PIEZO2: variants seen among roughly 807,000 people sequenced by gnomAD.
PIEZO2 encodes piezo type mechanosensitive ion channel component 2.
PIEZO2 carries 172 observed loss-of-function variants against 337.3 expected under a neutral mutation model. The observed-to-expected ratio is 0.51, with a 90% CI of 0.45 to 0.58. PIEZO2 has a LOEUF of 0.58. Ranked by LOEUF, PIEZO2 falls within the 20% of genes least tolerant of loss-of-function variation. The pLI is 0.00. For synonymous variants in PIEZO2, 1,251 were observed against 1,228.5 expected (o/e 1.02, Z -0.38); for missense variants, 3,028 against 3,391.3 (o/e 0.89, Z 2.66).
At chr18:10,709,031 G>A (rs907196003) in intron 39 of PIEZO2, among the ~76,000 whole-genome samples, 2 of 152,056 alleles carry the variant, frequency 1.3e-5, no homozygotes, top group Admixed American at 6.5e-5. Context: ...GCATGTAGTC[G>A]GGATGCTGGT....
Position 11,126,490 on chromosome 18 carries a change from C to A in PIEZO2, c.64+22035G>T, listed in dbSNP as rs775329318. On this transcript the variant is annotated intron_variant, in intron 1 of 55. Coordinates refer to ENST00000674853, the MANE Select transcript of PIEZO2 (RefSeq NM_001378183.1). The surrounding 1 kb of genome is among the most constrained non-coding windows in gnomAD (Gnocchi z 4.6). The stretch of plus-strand genomic sequence containing the variant: ...CCTTTAGTGCCAGTTTCTTGGTCAT[C>A]TCCCGCCATCATTCAAAATACTCCA... Among the ~76,000 whole-genome samples the A allele has an allele frequency of 1.3e-5, 2 of 152,138 alleles. No homozygotes were observed. Among genetic ancestry groups the A allele is most frequent in the Non-Finnish European group, 2.9e-5 (2 of 68,040 alleles).
chr18:10,931,618 C>T (rs1207236946), intron 3 of PIEZO2, among the ~76,000 whole-genome samples: 1 of 152,132 alleles, frequency 6.6e-6, no homozygotes, highest in Non-Finnish European at 1.5e-5. Flanking sequence ...AAATTAACCA[C>T]TGTTAACAAG....
chr18:10,731,177 T>TAGATATATATATATATA (rs1555633703), intron 36 of PIEZO2, among the ~76,000 whole-genome samples: 1 of 35,232 alleles, frequency 2.8e-5, no homozygotes, highest in African/African-American at 1.3e-4. Context: ...ACTTAAAAGA[T>TAGATATATATATATATA]TATATATATA....
chr18:10,946,690 C>T (rs1190129202), intron 3 of PIEZO2, among the ~76,000 whole-genome samples: 1 of 152,166 alleles, frequency 6.6e-6, no homozygotes, highest in Non-Finnish European at 1.5e-5. Context: ...GAAAGCTGAA[C>T]ATATATACTC....
chr18:10,832,023 T>C (rs56244645), intron 7 of PIEZO2, among the ~76,000 whole-genome samples: 36,589 of 151,922 alleles, frequency 0.24, 4,668 homozygotes, highest in Middle Eastern at 0.32. Context: ...GGAGGCCAGG[T>C]GCGGTGGCTC....
intron 3 of PIEZO2, among the ~76,000 whole-genome samples, chr18:10,928,350 A>G (rs995056890): frequency 2.6e-5 from 4 of 152,190 alleles, no homozygotes; most frequent in Admixed American, 2.6e-4. Context: ...GCTCCAAGCA[A>G]AGAGGGGCTG....
intron 47 of PIEZO2, among the ~76,000 whole-genome samples, chr18:10,693,523 C>G (rs545800987): frequency 1.4e-5 from 2 of 144,000 alleles, no homozygotes; most frequent in South Asian, 2.2e-4. Flanking sequence ...GCGCGCGACA[C>G]CACATAAGGC....
chr18:11,103,995 G>T (rs973272333), intron 1 of PIEZO2, among the ~76,000 whole-genome samples: 7 of 152,018 alleles, frequency 4.6e-5, no homozygotes, highest in African/African-American at 1.7e-4. Flanking sequence ...CCAGCTAAGT[G>T]GTCATATTTT....
At position 11,070,434 on chromosome 18, in the gene PIEZO2, AG is replaced by A. The variant is rs2038298783; in HGVS notation, c.65-4213del. 6.6e-6 allele frequency among the ~76,000 whole-genome samples: 1 copy of A among 152,190 alleles called. No homozygotes were observed. Among genetic ancestry groups the A allele is most frequent in the Non-Finnish European group, 1.5e-5 (1 of 68,026 alleles). On this transcript the variant is annotated intron_variant, in intron 1 of 55. Transcript: ENST00000674853. The surrounding 1 kb of genome is among the most constrained non-coding windows in gnomAD (Gnocchi z 4.3). ...AACTCTCTGAAGGAAAGAACACTAA[AG>A]AGAGGCACGAAGGAGGCAGGTGTTT...
Position 10,695,507 on chromosome 18 carries a change from T to C in PIEZO2, c.7190+567A>G, listed in dbSNP as rs143564603. On this transcript the variant is annotated intron_variant, in intron 47 of 55. Coordinates refer to ENST00000674853, the MANE Select transcript of PIEZO2 (RefSeq NM_001378183.1). ...TTAACAGCAGCAGAGTCCAGCAGGA[T>C]GGGTCTGCGTGCTTCTCTTACCACA... is the stretch of plus-strand genomic sequence containing the variant. Among the ~76,000 whole-genome samples, 643 of 152,278 alleles carry C rather than the reference T, an allele frequency of 4.2e-3. 1 individual carries two copies. Among genetic ancestry groups the C allele is most frequent in the Middle Eastern group, 6.8e-3 (2 of 294 alleles).
chr18:10,972,172 CAAAAAA>C (rs71169963), intron 3 of PIEZO2, among the ~76,000 whole-genome samples: 1 of 90,482 alleles, frequency 1.1e-5, no homozygotes. Flanking sequence ...GACTCCGCCT[CAAAAAA>C]AAAAAAAAAA....
In PIEZO2 at chr18:10,713,965, A is replaced by C. The variant is rs917298738; in HGVS notation, c.5423+799T>G. 2.0e-5 allele frequency among the ~76,000 whole-genome samples: 3 copies of C among 152,192 alleles called. No individual in the cohort carries two copies. The highest frequency in any genetic ancestry group is 7.2e-5 in the African/African-American group (3 of 41,448). ...TGAGGCTTTTCTGGGACAGGCAGTA[A>C]GTTGGTCTGCGGTGCAGGAAGAGGC... On this transcript the variant is annotated intron_variant, in intron 39 of 55. Coordinates refer to ENST00000674853, the MANE Select transcript of PIEZO2 (RefSeq NM_001378183.1). The surrounding 1 kb of genome is among the most constrained non-coding windows in gnomAD (Gnocchi z 4.5).
At position 10,724,796 on chromosome 18, in the gene PIEZO2, A is replaced by C; in HGVS notation, c.5030-6537T>G. On this transcript the variant is annotated intron_variant, in intron 36 of 55. Coordinates refer to ENST00000674853, the MANE Select transcript of PIEZO2 (RefSeq NM_001378183.1). The surrounding 1 kb of genome is among the most constrained non-coding windows in gnomAD (Gnocchi z 5.8). ...GCAGTCCCCCCAGCACTGCAGCCCC[A>C]GCCTGAGCAGCAGTCGTTCTCACAG... The C allele has an allele frequency of 6.3e-7, 1 of 1,585,688 alleles. No homozygotes were observed. Among genetic ancestry groups the C allele is most frequent in the Non-Finnish European group, 8.6e-7 (1 of 1,164,086 alleles).
chr18:10,824,776 T>C lies in PIEZO2; in HGVS notation c.918-17502A>G, dbSNP rs146204493. ...AAATCTTACATTAGTATGATACATC[T>C]GTCACAATTAACAAAACAATACTGA... On this transcript the variant is annotated intron_variant, in intron 7 of 55. Coordinates refer to ENST00000674853, the MANE Select transcript of PIEZO2 (RefSeq NM_001378183.1). The surrounding 1 kb of genome is among the most constrained non-coding windows in gnomAD (Gnocchi z 4.4). 6.6e-6 allele frequency among the ~76,000 whole-genome samples: 1 copy of C among 152,224 alleles called. No homozygotes were observed. Among genetic ancestry groups the C allele is most frequent in the South Asian group, 2.1e-4 (1 of 4,832 alleles).
chr18:10,866,667 G>A (rs1226337497), intron 5 of PIEZO2, among the ~76,000 whole-genome samples: 2 of 152,182 alleles, frequency 1.3e-5, no homozygotes, highest in African/African-American at 2.4e-5. Context: ...AGGACAGGAT[G>A]AGTGGGCATC....
intron 4 of PIEZO2, among the ~76,000 whole-genome samples, chr18:10,905,951 C>G (rs1236827076): frequency 6.6e-6 from 1 of 152,128 alleles, no homozygotes; most frequent in Non-Finnish European, 1.5e-5. Context: ...AGGTCATGCT[C>G]CTGGGAGTGG....
intron 3 of PIEZO2, among the ~76,000 whole-genome samples, chr18:10,923,150 A>G (rs934674003): frequency 2.0e-5 from 3 of 152,176 alleles, no homozygotes; most frequent in Non-Finnish European, 4.4e-5. Context: ...CATAAGCATT[A>G]CATTTGCCCA....
At chr18:10,774,161 G>A in intron 18 of PIEZO2, 123 bp from the exon 19 acceptor site, 15 of 660,492 alleles carry the variant, frequency 2.3e-5, no homozygotes, top group Non-Finnish European at 3.8e-5. Context: ...TATGCCTGTT[G>A]CAGTAACGCC....
intron 20 of PIEZO2, among the ~76,000 whole-genome samples, chr18:10,771,144 T>C (rs1179032947): frequency 1.3e-5 from 2 of 152,252 alleles, no homozygotes; most frequent in Non-Finnish European, 2.9e-5. Context: ...ACGGCACTTT[T>C]ATAAATGGCC....
Sources: allele counts gnomAD v4.1 joint callset (sites outside exome capture counted in the v4.1 genomes callset), GRCh38; gene constraint gnomAD v4.1.1; non-coding constraint Gnocchi (gnomAD v3.1); transcripts MANE v1.5; gene names NCBI Gene and HGNC (gene_info 2026-07-23, HGNC 2026-07-21).